NPC1: variants seen among roughly 807,000 people sequenced by gnomAD.
NPC1 encodes the protein Niemann-Pick C1 protein.
Under a neutral mutation model 140.4 loss-of-function variants are expected in NPC1, and 85 were observed. The ratio of observed to expected loss-of-function variants is 0.61; its 90% CI spans 0.51 to 0.72. The LOEUF (loss-of-function observed/expected upper bound fraction) is 0.72, where lower values mean the gene tolerates loss of function less well. NPC1 is among the 30% of genes least tolerant of loss of function. The pLI, the probability that NPC1 is intolerant of heterozygous loss-of-function variation, is 0.00. For missense variants in NPC1, 1,504 were observed against 1,623.8 expected (o/e 0.93, Z 1.27); for synonymous variants, 656 against 624.8 (o/e 1.05, Z -0.74).
Position 23,573,461 on chromosome 18 carries a change from G to A in NPC1, c.171C>T (p.Asp57=). 6.2e-7 allele frequency: 1 copy of A among 1,614,154 alleles called. No homozygotes were observed. The highest frequency in any genetic ancestry group is 1.1e-5 in the South Asian group (1 of 91,084). ...PPKPLPKDGY[D]LVQELCPGFF... is the part of the protein sequence containing the mutation. ...AAGATAATGAACTTACCTGCACTAAGTCATATCCATCCTTTGGCAATGGTT... is the reference window on the plus strand; with the variant it reads ...AAGATAATGAACTTACCTGCACTAAATCATATCCATCCTTTGGCAATGGTT... Residue 57 remains aspartate (D), a synonymous_variant, in exon 2 of 25, where the codon GAC becomes GAT. Transcript: ENST00000269228.
intron 4 of NPC1, among the ~76,000 whole-genome samples, chr18:23,566,854 A>G (rs2059133120): frequency 6.6e-6 from 1 of 152,190 alleles, no homozygotes. Context: ...CCTCTCTCCT[A>G]ACCCATGGCA....
At chr18:23,541,496 T>TA (rs1221855860) in intron 14 of NPC1, 63 bp from the exon 15 acceptor site, 2 of 1,608,488 alleles carry the variant, frequency 1.2e-6, no homozygotes, top group African/African-American at 1.3e-5. Flanking sequence ...CTGCAGGTCT[T>TA]ATGTTCATGT....
downstream of NPC1, chr18:23,526,488 T>G: frequency 1.1e-6 from 1 of 905,366 alleles, no homozygotes; most frequent in Non-Finnish European, 1.6e-6. Flanking sequence ...CAGCTCTGCT[T>G]TGGTTAGGAA....
intron 10 of NPC1, among the ~76,000 whole-genome samples, chr18:23,549,148 T>C (rs888275934): frequency 4.6e-5 from 7 of 152,198 alleles, no homozygotes; most frequent in Non-Finnish European, 8.8e-5. Context: ...CCAATTTTGA[T>C]AAATTCTCCC....
rs879174633 is a variant in NPC1 at position 23,544,943 on chromosome 18, A to C, written c.1947+17T>G. ...GCTGTTAACCTCTAGAACATACACC[A>C]CCCCCCCCCGGCTTACCAGAAGCCT... is the stretch of plus-strand genomic sequence containing the variant. On this transcript the variant is annotated intron_variant, in intron 12 of 24. Coordinates refer to ENST00000269228, the MANE Select transcript of NPC1 (RefSeq NM_000271.5). 3.3e-3 allele frequency: 3,407 copies of C among 1,038,482 alleles called. 22 individuals are homozygous for C. Among genetic ancestry groups the C allele is most frequent in the African/African-American group, 0.011 (611 of 56,986 alleles). 64.3% of individuals were successfully genotyped at this position (1,038,482 alleles called of 1,614,324 possible).
chr18:23,526,787 T>G, downstream of NPC1: 1 of 1,612,102 alleles, frequency 6.2e-7, no homozygotes, highest in Non-Finnish European at 8.5e-7. Flanking sequence ...CCTTCCCCCT[T>G]GCTCTGATTC....
chr18:23,541,383 A>G lies in NPC1; in HGVS notation c.2296T>C (p.Leu766=), dbSNP rs1598948918. The G allele has an allele frequency of 6.2e-7, 1 of 1,614,244 alleles. No individual in the cohort carries two copies. Among genetic ancestry groups the G allele is most frequent in the South Asian group, 1.1e-5 (1 of 91,082 alleles). ...AVHTFSLFAG[L]AVFIDFLLQI... ...AGAAGAAAGTCAATGAAGACTGCCAATCCCGCAAAGAGAGAGAAGGTGTGC... is the reference window on the plus strand; with the variant it reads ...AGAAGAAAGTCAATGAAGACTGCCAGTCCCGCAAAGAGAGAGAAGGTGTGC... The change falls in exon 15 of 25, where the codon TTG becomes CTG. Residue 766 remains leucine, a synonymous_variant. Transcript: ENST00000269228.
intron 1 of NPC1, among the ~76,000 whole-genome samples, chr18:23,582,627 AC>A (rs1231960281): frequency 6.6e-6 from 1 of 150,614 alleles, no homozygotes; most frequent in African/African-American, 2.5e-5. Context: ...AGCTGGCAAA[AC>A]CCCTTCTCTA....
At chr18:23,567,744 C>T (rs1255385045) in intron 4 of NPC1, among the ~76,000 whole-genome samples, 2 of 152,156 alleles carry the variant, frequency 1.3e-5, no homozygotes, top group Non-Finnish European at 2.9e-5. Flanking sequence ...TTACTACGTA[C>T]TGCAAAGTTG....
chr18:23,520,030 AAG>A (rs1300815072), downstream of NPC1, among the ~76,000 whole-genome samples: 1 of 152,202 alleles, frequency 6.6e-6, no homozygotes, highest in Non-Finnish European at 1.5e-5. Context: ...AAAATATTAA[AAG>A]AGAGTTGTGA....
intron 14 of NPC1, 108 bp downstream of exon 14, chr18:23,543,335 AAAAAAAAAAAAG>A: frequency 1.6e-6 from 1 of 629,654 alleles, no homozygotes; most frequent in East Asian, 3.0e-5. Flanking sequence ...TCTCAGAGAA[AAAAAAAAAAAAG>A]AAAAAAAAAA....
intron 1 of NPC1, among the ~76,000 whole-genome samples, chr18:23,579,883 T>TG (rs1555644322): frequency 6.9e-6 from 1 of 143,996 alleles, no homozygotes; most frequent in Non-Finnish European, 1.5e-5. Flanking sequence ...AGACTCCATC[T>TG]AAAAAAAAAA....
intron 24 of NPC1, chr18:23,533,010 T>A (rs2058561775): frequency 1.1e-6 from 1 of 921,134 alleles, no homozygotes; most frequent in South Asian, 5.0e-5. Flanking sequence ...ACTGCTGGTG[T>A]GAGAGCTGGC....
chr18:23,579,700 C>T (rs2059334663), intron 1 of NPC1, among the ~76,000 whole-genome samples: 1 of 152,084 alleles, frequency 6.6e-6, no homozygotes, highest in Non-Finnish European at 1.5e-5. Flanking sequence ...ACCATCCTGC[C>T]TAACACAGTG....
chr18:23,545,194 C>G (rs1275465891), intron 11 of NPC1, 45 bp from the exon 12 acceptor site: 9 of 1,384,336 alleles, frequency 6.5e-6, no homozygotes, highest in Non-Finnish European at 8.2e-6. Context: ...AACTAACTGA[C>G]AGCTAAGTAA....
chr18:23,513,851 C>A lies in NPC1; in HGVS notation c.432-7209G>T, dbSNP rs537100409. On this transcript the variant is annotated intron_variant, in intron 3 of 3. Coordinates refer to the NPC1 transcript ENST00000591107. ...CTTTGGAGAAATGACTAATTCGGGT[C>A]ATTGTGCCTATTTTTAAAATCAAAT... Among the ~76,000 whole-genome samples the A allele has an allele frequency of 2.6e-5, 4 of 152,314 alleles. No homozygotes were observed. The East Asian group carries it at 7.7e-4, about 29-fold the overall frequency.
At chr18:23,508,138 C>A in intron 3 of NPC1, 2 of 1,129,260 alleles carry the variant, frequency 1.8e-6, no homozygotes, top group Non-Finnish European at 2.4e-6. Context: ...GGAGCACAGA[C>A]TTGAAGTCAG....
chr18:23,516,073 C>A, intron 3 of NPC1: 2 of 1,595,346 alleles, frequency 1.3e-6, no homozygotes, highest in Admixed American at 1.7e-5. Context: ...ATGTGTCAGG[C>A]ACGTTAGGGA....
chr18:23,527,303 G>A (rs1261932981), downstream of NPC1, among the ~76,000 whole-genome samples: 2 of 151,534 alleles, frequency 1.3e-5, no homozygotes, highest in African/African-American at 2.4e-5. Flanking sequence ...AGAGGCTGCC[G>A]AGGGAGGATT....
Sources: allele counts gnomAD v4.1 joint callset (sites outside exome capture counted in the v4.1 genomes callset), GRCh38; gene constraint gnomAD v4.1.1; transcripts MANE v1.5; gene names NCBI Gene and HGNC (gene_info 2026-07-23, HGNC 2026-07-21).